The following CDH11 variants were observed in gnomAD, a reference collection of about 807,000 sequenced individuals.
CDH11 encodes the protein cadherin-11.
Under a neutral mutation model 67.8 loss-of-function variants are expected in CDH11, and 11 were observed. That is an observed-to-expected ratio of 0.16 (90% CI 0.10 to 0.27). The LOEUF (loss-of-function observed/expected upper bound fraction) is 0.27, where lower values mean the gene tolerates loss of function less well. Among genes scored for constraint, CDH11 ranks in the 10% least tolerant of loss-of-function variants. CDH11 has a pLI of 1.00. For synonymous variants in CDH11, 419 were observed against 400.0 expected (o/e 1.05, Z -0.57); for missense variants, 847 against 1,031.2 (o/e 0.82, Z 2.45).
chr16:65,059,702 C>T (rs2074205951), intron 1 of CDH11: 1 of 152,212 alleles, frequency 6.6e-6, no homozygotes. Context: ...GGGCACTTGA[C>T]AACTGAAGCC....
intron 1 of CDH11, among the ~76,000 whole-genome samples, chr16:65,101,226 C>T (rs1597196080): frequency 6.6e-6 from 1 of 152,198 alleles, no homozygotes; most frequent in East Asian, 1.9e-4. Context: ...CCTAATCCAT[C>T]ATTGCTGAGA....
At chr16:65,110,014 G>A (rs2075129777) in intron 1 of CDH11, among the ~76,000 whole-genome samples, 1 of 152,146 alleles carries the variant, frequency 6.6e-6, no homozygotes, top group Non-Finnish European at 1.5e-5. Flanking sequence ...GGGACTACAG[G>A]CACGTGACAC....
chr16:65,119,892 A>G (rs1251817731), intron 1 of CDH11, among the ~76,000 whole-genome samples: 1 of 152,130 alleles, frequency 6.6e-6, no homozygotes, highest in Non-Finnish European at 1.5e-5. Flanking sequence ...ACTGAAAAGC[A>G]CTCACATTCC....
rs960822738 is a variant in CDH11 at position 64,947,620 on chromosome 16, A to G, written c.2374T>C (p.Phe792Leu). 1.9e-6 allele frequency: 3 copies of G among 1,607,546 alleles called. No homozygotes were observed. The African/African-American group carries it at 4.0e-5, about 22-fold the overall frequency. The change falls in exon 13 of 13, where the codon TTT becomes CTT. Residue 792 changes from phenylalanine to leucine, a missense_variant. Transcript: ENST00000268603. ...CGTTATTGTTAAGAATCGTCATCAA[A>G]AGTGTCTTTGGAACCATACAAATCT... ...LADLYGSKDT[F>L]DDDS is the part of the protein sequence containing the mutation.
At chr16:65,090,683 CT>C (rs2074778444) in intron 1 of CDH11, among the ~76,000 whole-genome samples, 1 of 152,202 alleles carries the variant, frequency 6.6e-6, no homozygotes, top group Non-Finnish European at 1.5e-5. Context: ...GCTTTCTATT[CT>C]TACTTCATTT....
At chr16:64,989,626 A>C (rs2142485595) in intron 6 of CDH11, among the ~76,000 whole-genome samples, 1 of 152,294 alleles carries the variant, frequency 6.6e-6, no homozygotes, top group Non-Finnish European at 1.5e-5. Flanking sequence ...GAAGGGCTGT[A>C]AGGAAGTGGA....
intron 1 of CDH11, among the ~76,000 whole-genome samples, chr16:65,103,628 C>T (rs186264756): frequency 6.6e-6 from 1 of 152,250 alleles, no homozygotes; most frequent in Non-Finnish European, 1.5e-5. Context: ...GTGTCTTCCT[C>T]ACCAATAGTA....
intron 1 of CDH11, among the ~76,000 whole-genome samples, chr16:65,074,386 T>C (rs2074471267): frequency 6.6e-6 from 1 of 152,194 alleles, no homozygotes; most frequent in African/African-American, 2.4e-5. Flanking sequence ...ACACCCAGCC[T>C]CCATCATTTG....
chr16:65,074,797 A>G (rs921124951), intron 1 of CDH11, among the ~76,000 whole-genome samples: 2 of 152,234 alleles, frequency 1.3e-5, no homozygotes, highest in Non-Finnish European at 2.9e-5. Context: ...CCACATTCAA[A>G]ATAGTATTTT....
At chr16:65,033,718 C>T (rs985136677) in intron 2 of CDH11, among the ~76,000 whole-genome samples, 1 of 116,992 alleles carries the variant, frequency 8.5e-6, no homozygotes, top group South Asian at 2.8e-4. Flanking sequence ...GCCTGGGCAA[C>T]AGAGTGAGAC....
intron 2 of CDH11, among the ~76,000 whole-genome samples, chr16:65,033,821 G>A (rs2073697233): frequency 6.6e-6 from 1 of 152,142 alleles, no homozygotes; most frequent in African/African-American, 2.4e-5. Flanking sequence ...CCAAGAGTAT[G>A]TCATTAATGC....
At chr16:65,085,053 G>A (rs2074672577) in intron 1 of CDH11, among the ~76,000 whole-genome samples, 1 of 152,140 alleles carries the variant, frequency 6.6e-6, no homozygotes, top group African/African-American at 2.4e-5. Flanking sequence ...GGGATTACAG[G>A]CACCTGCCAC....
chr16:65,086,930 G>C (rs1054727390), intron 1 of CDH11, among the ~76,000 whole-genome samples: 4 of 152,154 alleles, frequency 2.6e-5, no homozygotes, highest in Non-Finnish European at 5.9e-5. Context: ...GTAAAAGAAA[G>C]TGTATTTTAA....
chr16:65,041,914 C>T (rs2073874701), intron 2 of CDH11, among the ~76,000 whole-genome samples: 1 of 152,202 alleles, frequency 6.6e-6, no homozygotes, highest in Non-Finnish European at 1.5e-5. Context: ...GGCAATGATG[C>T]CCCTCAAATC....
chr16:65,007,794 T>A (rs1331187004), intron 2 of CDH11, among the ~76,000 whole-genome samples: 1 of 152,214 alleles, frequency 6.6e-6, no homozygotes, highest in Non-Finnish European at 1.5e-5. Context: ...CTTACTAGAC[T>A]GGAAACTTCT....
At chr16:64,963,290 A>G (rs1338515486) in intron 11 of CDH11, among the ~76,000 whole-genome samples, 2 of 152,162 alleles carry the variant, frequency 1.3e-5, no homozygotes, top group Non-Finnish European at 2.9e-5. Flanking sequence ...CTAGAGATAA[A>G]AAACATCAAC....
chr16:65,004,436 A>C (rs1199415079), intron 3 of CDH11, among the ~76,000 whole-genome samples: 1 of 152,206 alleles, frequency 6.6e-6, no homozygotes, highest in Non-Finnish European at 1.5e-5. Flanking sequence ...AAACCTAAGA[A>C]GTATTCTCAA....
chr16:65,010,982 T>C (rs1275880975), intron 2 of CDH11, among the ~76,000 whole-genome samples: 1 of 148,296 alleles, frequency 6.7e-6, no homozygotes, highest in Admixed American at 6.8e-5. Flanking sequence ...TATATATATA[T>C]ATATACACAC....
At chr16:65,017,675 A>G (rs2073338354) in intron 2 of CDH11, among the ~76,000 whole-genome samples, 1 of 152,190 alleles carries the variant, frequency 6.6e-6, no homozygotes, top group African/African-American at 2.4e-5. Context: ...GAACTAAGTT[A>G]ATATGGAGTA....
Sources: gnomAD v4.1 joint callset for allele counts (sites outside exome capture counted in the v4.1 genomes callset) on GRCh38, gnomAD v4.1.1 for gene constraint, MANE v1.5 for transcripts, NCBI Gene and HGNC (gene_info 2026-07-23, HGNC 2026-07-21) for gene names.